FSTL4: variants seen among roughly 807,000 people sequenced by gnomAD.
The protein encoded by FSTL4 is follistatin-related protein 4.
FSTL4 carries 28 observed loss-of-function variants against 78.2 expected under a neutral mutation model. That is an observed-to-expected ratio of 0.36 (90% CI 0.27 to 0.49). The LOEUF is 0.49. FSTL4 is among the 20% of genes least tolerant of loss of function. The pLI is 0.98. For synonymous variants in FSTL4, 422 were observed against 440.5 expected, an observed-to-expected ratio of 0.96 and a Z score of 0.53; for missense variants, 922 against 1,084.9, an observed-to-expected ratio of 0.85 and a Z score of 2.11.
chr5:133,372,664 T>A (rs1369273350), intron 4 of FSTL4, among the ~76,000 whole-genome samples: 2 of 152,190 alleles, frequency 1.3e-5, no homozygotes, highest in Non-Finnish European at 2.9e-5. Context: ...TTAACATCAC[T>A]TATGGGGGAA....
At chr5:133,408,303 C>T (rs1028044945) in intron 3 of FSTL4, among the ~76,000 whole-genome samples, 30 of 152,128 alleles carry the variant, frequency 2.0e-4, no homozygotes, top group Non-Finnish European at 5.9e-5. Context: ...CAGTAACCAA[C>T]GTCACCTGAG....
the FSTL4 span, among the ~76,000 whole-genome samples, chr5:133,663,266 G>C: frequency 6.6e-6 from 1 of 152,198 alleles, no homozygotes; most frequent in Admixed American, 6.5e-5. Flanking sequence ...TCACTGAGTT[G>C]AAGTACTGTC....
intron 3 of FSTL4, among the ~76,000 whole-genome samples, chr5:133,566,452 T>C (rs1378937519): frequency 6.6e-6 from 1 of 152,168 alleles, no homozygotes; most frequent in Non-Finnish European, 1.5e-5. Context: ...CAAAGCCACA[T>C]TCTAGACCAG....
Position 133,611,634 on chromosome 5 carries a change from G to GC in FSTL4, c.-11+690dup, listed in dbSNP as rs1228258612. Among the ~76,000 whole-genome samples, 2 of 152,164 alleles carry GC rather than the reference G, an allele frequency of 1.3e-5. No homozygotes were observed. Among genetic ancestry groups the GC allele is most frequent in the Non-Finnish European group, 2.9e-5 (2 of 68,018 alleles). On this transcript the variant is annotated intron_variant, in intron 1 of 15. Transcript: ENST00000265342. The surrounding 1 kb of genome is among the most constrained non-coding windows in gnomAD (Gnocchi z 4.9). The stretch of plus-strand genomic sequence containing the variant: ...AGACACGTTCAAGCGGGTACCCCGG[G>GC]CCGCTCACTCTGGACCGCGGCCGGC...
the FSTL4 span, among the ~76,000 whole-genome samples, chr5:133,664,030 G>A: frequency 6.7e-6 from 1 of 148,346 alleles, no homozygotes; most frequent in African/African-American, 2.6e-5. Flanking sequence ...GGCTTGTACT[G>A]TATGAGTGTG....
At chr5:133,211,700 T>C (rs1038778380) in intron 13 of FSTL4, among the ~76,000 whole-genome samples, 1 of 152,206 alleles carries the variant, frequency 6.6e-6, no homozygotes, top group Non-Finnish European at 1.5e-5. Flanking sequence ...AACCCTTACA[T>C]ACCCTTCCTT....
At chr5:133,290,443 T>TC (rs1431228861) in intron 6 of FSTL4, among the ~76,000 whole-genome samples, 2 of 152,196 alleles carry the variant, frequency 1.3e-5, no homozygotes, top group African/African-American at 4.8e-5. Context: ...AGGCAAAGCT[T>TC]CCAGCCTGGG....
intron 3 of FSTL4, among the ~76,000 whole-genome samples, chr5:133,418,354 T>C (rs1580695874): frequency 1.3e-5 from 2 of 152,134 alleles, no homozygotes; most frequent in South Asian, 2.1e-4. Context: ...TTAGATAAAA[T>C]GAAAAATTCT....
At chr5:133,838,431 C>T in the FSTL4 span, among the ~76,000 whole-genome samples, 1 of 152,212 alleles carries the variant, frequency 6.6e-6, no homozygotes, top group Admixed American at 6.5e-5. Context: ...TGGCTTGGGG[C>T]CTCCCGTGAG....
intron 3 of FSTL4, among the ~76,000 whole-genome samples, chr5:133,530,688 AGGTG>A: frequency 6.6e-6 from 1 of 152,210 alleles, no homozygotes; most frequent in African/African-American, 2.4e-5. Flanking sequence ...TGCCACTTTT[AGGTG>A]GACCTATGGC....
At chr5:133,496,324 G>A (rs551198157) in intron 3 of FSTL4, among the ~76,000 whole-genome samples, 1 of 152,300 alleles carries the variant, frequency 6.6e-6, no homozygotes, top group Non-Finnish European at 1.5e-5. Context: ...TGTTAACTTG[G>A]AAGAGAAGAA....
At chr5:133,783,579 A>G in the FSTL4 span, among the ~76,000 whole-genome samples, 7 of 152,298 alleles carry the variant, frequency 4.6e-5, no homozygotes, top group South Asian at 1.2e-3. Context: ...GCTCCAGGCA[A>G]TATCTTTTAA....
the FSTL4 span, among the ~76,000 whole-genome samples, chr5:133,617,964 G>C: frequency 6.6e-6 from 1 of 152,144 alleles, no homozygotes. Context: ...TGCAGAAGAA[G>C]GAGAGGGCTA....
At chr5:133,683,763 A>T in the FSTL4 span, among the ~76,000 whole-genome samples, 1 of 152,158 alleles carries the variant, frequency 6.6e-6, no homozygotes, top group African/African-American at 2.4e-5. Context: ...GTTCGGTAGG[A>T]TTAAAGAGGT....
intron 3 of FSTL4, among the ~76,000 whole-genome samples, chr5:133,523,487 ACTT>A (rs1204011378): frequency 1.3e-5 from 2 of 152,236 alleles, no homozygotes; most frequent in African/African-American, 4.8e-5. Flanking sequence ...CAAGTTACCT[ACTT>A]CTTCTTTAGA....
rs185362197 is a variant in FSTL4 at position 133,462,615 on chromosome 5, A to G, written c.161-61629T>C. ...GATTGGTTCGGGAAGGAGCCGGTAG[A>G]CTACCCTGGCCAGTGAAATGTGAGG... On this transcript the variant is annotated intron_variant, in intron 3 of 15. Transcript: ENST00000265342. 3.9e-3 allele frequency among the ~76,000 whole-genome samples: 588 copies of G among 152,312 alleles called. 5 individuals carry two copies. Among genetic ancestry groups the G allele is most frequent in the African/African-American group, 0.013 (539 of 41,566 alleles).
intron 4 of FSTL4, among the ~76,000 whole-genome samples, chr5:133,364,135 A>G (rs934375536): frequency 6.6e-6 from 1 of 152,190 alleles, no homozygotes; most frequent in Non-Finnish European, 1.5e-5. Flanking sequence ...GCGATTGACA[A>G]CTCAGAAATA....
rs1751320028 is a variant in FSTL4 at position 133,225,939 on chromosome 5, T to C, written c.1016-120A>G. ...ACCCAAGTAGGTGACTGGAGTTCTGTGTTTAACCAAATTATAATAATCCTG... is the reference window on the plus strand; with the variant it reads ...ACCCAAGTAGGTGACTGGAGTTCTGCGTTTAACCAAATTATAATAATCCTG... On this transcript the variant is annotated intron_variant, in intron 8 of 15. Coordinates refer to ENST00000265342, the MANE Select transcript of FSTL4 (RefSeq NM_015082.2). This position sits in a 1 kb window ranked among gnomAD's most constrained non-coding sequence, Gnocchi z 4.6. 4 of 633,954 alleles carry C rather than the reference T, an allele frequency of 6.3e-6. No individual in the cohort carries two copies. The Admixed American group carries it at 1.1e-4, about 18-fold the overall frequency. 39.3% of individuals were successfully genotyped at this position (633,954 alleles called of 1,614,324 possible).
chr5:133,642,141 G>T, the FSTL4 span, among the ~76,000 whole-genome samples: 3 of 152,148 alleles, frequency 2.0e-5, no homozygotes, highest in Non-Finnish European at 4.4e-5. Context: ...CTTCAAAAGG[G>T]AAGTGAGGAA....
Sources: allele counts gnomAD v4.1 joint callset (sites outside exome capture counted in the v4.1 genomes callset), GRCh38; gene constraint gnomAD v4.1.1; non-coding constraint Gnocchi (gnomAD v3.1); transcripts MANE v1.5; gene names NCBI Gene and HGNC (gene_info 2026-07-23, HGNC 2026-07-21).